PPM1L: variants seen among roughly 807,000 people sequenced by gnomAD.
The protein encoded by PPM1L is protein phosphatase, Mg2+/Mn2+ dependent 1L.
Under a neutral mutation model 31.4 loss-of-function variants are expected in PPM1L, and 13 were observed. The observed-to-expected ratio is 0.41, with a 90% CI of 0.27 to 0.66. PPM1L has a LOEUF of 0.66. Ranked by LOEUF, PPM1L falls within the 30% of genes least tolerant of loss-of-function variation. PPM1L has a pLI of 0.29. For missense variants in PPM1L, 326 were observed against 453.7 expected (o/e 0.72, Z 2.56); for synonymous variants, 184 against 175.4 (o/e 1.05, Z -0.39).
chr3:161,013,989 G>A (rs564806804), intron 2 of PPM1L, among the ~76,000 whole-genome samples: 21 of 152,266 alleles, frequency 1.4e-4, no homozygotes, highest in Non-Finnish European at 2.8e-4. Flanking sequence ...TTGCCAGTCT[G>A]TGTCTTTTAA....
At chr3:161,057,269 T>G (rs1384876203) in intron 2 of PPM1L, among the ~76,000 whole-genome samples, 1 of 152,080 alleles carries the variant, frequency 6.6e-6, no homozygotes, top group Non-Finnish European at 1.5e-5. Flanking sequence ...CCTTCCCTCC[T>G]CCGCCTCACC....
intron 2 of PPM1L, among the ~76,000 whole-genome samples, chr3:161,013,910 G>A (rs1001404703): frequency 1.3e-5 from 2 of 152,060 alleles, no homozygotes; most frequent in Non-Finnish European, 2.9e-5. Context: ...TTGAGCCTAT[G>A]TTTGTCTCTG....
intron 1 of PPM1L, among the ~76,000 whole-genome samples, chr3:160,838,254 G>T (rs1363888078): frequency 6.6e-6 from 1 of 152,130 alleles, no homozygotes; most frequent in Non-Finnish European, 1.5e-5. Flanking sequence ...GAAATGAATA[G>T]ATCTCTGAGA....
rs1269329165 is a variant in PPM1L at position 160,889,528 on chromosome 3, A to G, written c.400-72208A>G. ...TAATTAATGGCCTACCAACCAAAAA[A>G]AGCCCAGGACCAGATGGATTCACAG... On this transcript the variant is annotated intron_variant, in intron 1 of 3. Coordinates refer to ENST00000498165, the MANE Select transcript of PPM1L (RefSeq NM_139245.4). Among the ~76,000 whole-genome samples the G allele has an allele frequency of 6.6e-5, 10 of 152,172 alleles. No individual in the cohort carries two copies. The East Asian group carries it at 1.9e-3, about 29-fold the overall frequency.
At chr3:161,047,893 GCTGAAA>G (rs956000713) in intron 2 of PPM1L, among the ~76,000 whole-genome samples, 3 of 152,192 alleles carry the variant, frequency 2.0e-5, no homozygotes, top group African/African-American at 7.2e-5. Context: ...TATGTAGAAA[GCTGAAA>G]CTGGATCCCT....
intron 1 of PPM1L, among the ~76,000 whole-genome samples, chr3:160,791,146 G>T (rs1415447871): frequency 6.6e-6 from 1 of 152,088 alleles, no homozygotes; most frequent in Non-Finnish European, 1.5e-5. Context: ...AGGTCACAAT[G>T]ACAGTCACTG....
chr3:160,953,782 T>C (rs1386962715), intron 1 of PPM1L, among the ~76,000 whole-genome samples: 1 of 152,194 alleles, frequency 6.6e-6, no homozygotes, highest in African/African-American at 2.4e-5. Flanking sequence ...TTTTCAGGCT[T>C]ACTGTTAAAT....
At chr3:161,025,442 T>C (rs752323171) in intron 2 of PPM1L, among the ~76,000 whole-genome samples, 40 of 151,984 alleles carry the variant, frequency 2.6e-4, no homozygotes, top group Non-Finnish European at 5.0e-4. Flanking sequence ...CATGGTGGCA[T>C]GTGCCTGTAG....
chr3:160,904,706 A>T (rs1379343030), intron 1 of PPM1L, among the ~76,000 whole-genome samples: 1 of 150,630 alleles, frequency 6.6e-6, no homozygotes, highest in East Asian at 1.9e-4. Context: ...TCATAGGCAC[A>T]TTATATTATG....
At chr3:161,011,077 G>A (rs9815388) in intron 2 of PPM1L, among the ~76,000 whole-genome samples, 88,195 of 151,926 alleles carry the variant, frequency 0.58, 26,928 homozygotes, top group East Asian at 0.92. Flanking sequence ...TGTTTCAGAC[G>A]TGAAGTCCTT....
chr3:160,903,208 TTGTGTGTGTGTGTGTG>T (rs59232471), intron 1 of PPM1L, among the ~76,000 whole-genome samples: 1 of 120,038 alleles, frequency 8.3e-6, no homozygotes, highest in Admixed American at 9.3e-5. Flanking sequence ...GTGTGTATGT[TTGTGTGTGTGTGTGTG>T]TGTGTGTGTG....
intron 1 of PPM1L, among the ~76,000 whole-genome samples, chr3:160,940,930 G>A (rs1316640600): frequency 6.6e-6 from 1 of 152,176 alleles, no homozygotes; most frequent in Admixed American, 6.5e-5. Context: ...GCTCATGACA[G>A]CAGCCAGGAG....
chr3:160,828,095 C>T (rs919356707), intron 1 of PPM1L, among the ~76,000 whole-genome samples: 6 of 152,056 alleles, frequency 3.9e-5, no homozygotes, highest in African/African-American at 1.4e-4. Flanking sequence ...CCAGGCCGCA[C>T]CTCCAGCATT....
At chr3:160,784,817 C>G (rs1035997934) in intron 1 of PPM1L, among the ~76,000 whole-genome samples, 2 of 152,070 alleles carry the variant, frequency 1.3e-5, no homozygotes, top group African/African-American at 4.8e-5. Flanking sequence ...AAGGAAAGTA[C>G]TTTTATTTGT....
intron 1 of PPM1L, among the ~76,000 whole-genome samples, chr3:160,916,812 G>A (rs1297665964): frequency 5.9e-5 from 9 of 152,056 alleles, no homozygotes; most frequent in Admixed American, 4.6e-4. Context: ...GCATGATTAA[G>A]TCCATGGAGC....
chr3:160,966,156 A>G (rs1013850775), intron 2 of PPM1L, among the ~76,000 whole-genome samples: 1 of 152,080 alleles, frequency 6.6e-6, no homozygotes, highest in Non-Finnish European at 1.5e-5. Flanking sequence ...AAGTCCATAC[A>G]ACAGAGGCTT....
At chr3:160,801,033 A>G (rs114478468) in intron 1 of PPM1L, among the ~76,000 whole-genome samples, 2,377 of 152,178 alleles carry the variant, frequency 0.016, 30 homozygotes, top group Non-Finnish European at 0.026. Context: ...GCTTTGCCAT[A>G]GGTAAGCTTA....
chr3:161,033,532 A>T (rs1474728045), intron 2 of PPM1L, among the ~76,000 whole-genome samples: 1 of 152,200 alleles, frequency 6.6e-6, no homozygotes, highest in African/African-American at 2.4e-5. Context: ...TCAGAAAAAA[A>T]TGTGACACAT....
intron 1 of PPM1L, among the ~76,000 whole-genome samples, chr3:160,885,138 C>T (rs1712867950): frequency 6.6e-6 from 1 of 152,190 alleles, no homozygotes. Context: ...CCTATCTCCA[C>T]CCCTTCACTG....
Sources: allele counts gnomAD v4.1 joint callset (sites outside exome capture counted in the v4.1 genomes callset), GRCh38; gene constraint gnomAD v4.1.1; transcripts MANE v1.5; gene names NCBI Gene and HGNC (gene_info 2026-07-23, HGNC 2026-07-21).